Variants in ZNF385D observed in about 807,000 individuals in gnomAD.
The protein encoded by ZNF385D is zinc finger protein 385D, also known as zinc finger protein 659.
In ZNF385D, 15 loss-of-function variants were observed where a neutral mutation model predicts 35.8. The ratio of observed to expected loss-of-function variants is 0.42; its 90% CI spans 0.28 to 0.64. The LOEUF is 0.64. Among genes scored for constraint, ZNF385D ranks in the 30% least tolerant of loss-of-function variants. The probability of loss-of-function intolerance (pLI) is 0.23; values close to 1 mark genes in which losing one functional copy is unlikely to be tolerated. For synonymous variants in ZNF385D, 212 were observed against 186.8 expected (o/e 1.13, Z -1.10); for missense variants, 474 against 494.6 (o/e 0.96, Z 0.39).
chr3:21,754,037 G>A (rs1236940117), upstream of ZNF385D, among the ~76,000 whole-genome samples: 3 of 152,250 alleles, frequency 2.0e-5, no homozygotes, highest in African/African-American at 7.2e-5. Context: ...TTAAAAGGTT[G>A]AATAGTATTC....
chr3:22,046,331 A>G (rs933010706), intron 3 of ZNF385D, among the ~76,000 whole-genome samples: 3 of 152,124 alleles, frequency 2.0e-5, no homozygotes, highest in African/African-American at 7.2e-5. Context: ...CACTATCGCT[A>G]TCACTGTTCC....
rs561546654 is a variant in ZNF385D at position 21,714,646 on chromosome 3, A to G, written c.22+36249T>C. 2.0e-5 allele frequency among the ~76,000 whole-genome samples: 3 copies of G among 152,254 alleles called. No individual in the cohort carries two copies. The East Asian group carries it at 5.8e-4, about 29-fold the overall frequency. ...CTTACTGTGTCCTATTAATTTTCCA[A>G]CATGTATTATTTCTCCAATCTTCAA... On this transcript the variant is annotated intron_variant, in intron 1 of 7. Coordinates refer to ENST00000281523, the MANE Select transcript of ZNF385D (RefSeq NM_024697.3).
chr3:21,510,797 A>T (rs774292302), intron 4 of ZNF385D, 64 bp downstream of exon 4: 30 of 1,595,166 alleles, frequency 1.9e-5, no homozygotes, highest in Non-Finnish European at 2.6e-5. Flanking sequence ...ACATGGGGCT[A>T]GACAAGGGAG....
chr3:22,011,073 G>A (rs761098119), intron 3 of ZNF385D, among the ~76,000 whole-genome samples: 3 of 152,012 alleles, frequency 2.0e-5, no homozygotes, highest in Non-Finnish European at 4.4e-5. Flanking sequence ...TACAAAATTC[G>A]TTAATGAATC....
chr3:21,651,735 A>C (rs2125219787), intron 2 of ZNF385D, among the ~76,000 whole-genome samples: 1 of 152,302 alleles, frequency 6.6e-6, no homozygotes, highest in Admixed American at 6.5e-5. Flanking sequence ...TGCTTCTAAA[A>C]GTCAACTCTT....
At chr3:22,077,870 A>AC (rs1002696420) in intron 3 of ZNF385D, among the ~76,000 whole-genome samples, 2 of 151,394 alleles carry the variant, frequency 1.3e-5, no homozygotes, top group African/African-American at 4.9e-5. Flanking sequence ...CATGTGAGAC[A>AC]CCCCCCACTC....
chr3:22,103,071 T>G (rs1179674008), intron 3 of ZNF385D, among the ~76,000 whole-genome samples: 2 of 151,736 alleles, frequency 1.3e-5, no homozygotes. Context: ...ATTTTCCTAT[T>G]AAATTTAAAT....
At chr3:21,575,915 G>GTA (rs2063483662) in intron 2 of ZNF385D, among the ~76,000 whole-genome samples, 1 of 152,114 alleles carries the variant, frequency 6.6e-6, no homozygotes, top group South Asian at 2.1e-4. Flanking sequence ...ATCAGCCTTG[G>GTA]TATAGTATTA....
intron 3 of ZNF385D, among the ~76,000 whole-genome samples, chr3:21,902,227 A>G (rs545148622): frequency 2.5e-4 from 38 of 152,288 alleles, no homozygotes; most frequent in Admixed American, 1.9e-3. Context: ...AATGCTCTCA[A>G]TGGTCATCAT....
chr3:21,968,594 T>A (rs631877), intron 3 of ZNF385D, among the ~76,000 whole-genome samples: 104,644 of 151,936 alleles, frequency 0.69, 37,120 homozygotes, highest in African/African-American at 0.84. Context: ...CTGTCATACT[T>A]TATTTCTAGA....
At chr3:22,178,871 G>A (rs527433541) in intron 2 of ZNF385D, among the ~76,000 whole-genome samples, 2 of 152,088 alleles carry the variant, frequency 1.3e-5, no homozygotes, top group Non-Finnish European at 2.9e-5. Context: ...TTTTTGCCAG[G>A]TTTGTCAAAG....
chr3:21,845,212 T>C (rs565418962), intron 3 of ZNF385D, among the ~76,000 whole-genome samples: 6 of 152,054 alleles, frequency 3.9e-5, no homozygotes, highest in East Asian at 3.9e-4. Flanking sequence ...CTGCCTCTTA[T>C]AGAATAGAGC....
chr3:21,896,220 C>T (rs545841245), intron 3 of ZNF385D, among the ~76,000 whole-genome samples: 1 of 152,058 alleles, frequency 6.6e-6, no homozygotes. Context: ...AATTACATCA[C>T]CTGAACAGTT....
intron 2 of ZNF385D, among the ~76,000 whole-genome samples, chr3:21,644,038 G>A (rs1260466654): frequency 6.6e-6 from 1 of 152,068 alleles, no homozygotes; most frequent in African/African-American, 2.4e-5. Flanking sequence ...AAGCACCCAA[G>A]ATTTAGGTAT....
chr3:22,019,034 C>CTTT (rs11380195), intron 3 of ZNF385D, among the ~76,000 whole-genome samples: 1,680 of 64,424 alleles, frequency 0.026, 225 homozygotes, highest in Middle Eastern at 0.047. Flanking sequence ...AGTTATTTAC[C>CTTT]TTTTTTTTTT....
intron 3 of ZNF385D, among the ~76,000 whole-genome samples, chr3:21,923,356 C>T (rs1364800293): frequency 6.6e-6 from 1 of 152,086 alleles, no homozygotes; most frequent in Non-Finnish European, 1.5e-5. Context: ...AGTCAAAAAA[C>T]AACGCATGCT....
At chr3:21,948,066 A>T (rs761908232) in intron 3 of ZNF385D, among the ~76,000 whole-genome samples, 1 of 152,126 alleles carries the variant, frequency 6.6e-6, no homozygotes, top group African/African-American at 2.4e-5. Flanking sequence ...ACTTTCTGTT[A>T]TAATTTACTA....
At chr3:21,622,663 C>A (rs1316673598) in intron 2 of ZNF385D, among the ~76,000 whole-genome samples, 1 of 152,020 alleles carries the variant, frequency 6.6e-6, no homozygotes, top group Non-Finnish European at 1.5e-5. Context: ...TGAATTCAGT[C>A]CATCCATATA....
intron 3 of ZNF385D, among the ~76,000 whole-genome samples, chr3:22,074,959 G>A (rs1478511947): frequency 6.6e-6 from 1 of 151,918 alleles, no homozygotes; most frequent in African/African-American, 2.4e-5. Context: ...GTGAGAAAAG[G>A]GGGGTGCTTC....
Sources: gnomAD v4.1 joint callset for allele counts (sites outside exome capture counted in the v4.1 genomes callset) on GRCh38, gnomAD v4.1.1 for gene constraint, MANE v1.5 for transcripts, NCBI Gene and HGNC (gene_info 2026-07-23, HGNC 2026-07-21) for gene names.